Variants in ZFR2 observed in about 807,000 individuals in gnomAD.
ZFR2 encodes the protein zinc finger RNA-binding protein 2.
In ZFR2, 104 loss-of-function variants were observed where a neutral mutation model predicts 105.7. The ratio of observed to expected loss-of-function variants is 0.98; its 90% CI spans 0.84 to 1.16. The LOEUF (loss-of-function observed/expected upper bound fraction) is 1.16, where lower values mean the gene tolerates loss of function less well. Ranked by LOEUF, ZFR2 falls within the 50% of genes most tolerant of loss-of-function variation. The pLI, the probability that ZFR2 is intolerant of heterozygous loss-of-function variation, is 0.00. For missense variants in ZFR2, 1,425 were observed against 1,355.5 expected (o/e 1.05, Z -0.80); for synonymous variants, 634 against 597.7 (o/e 1.06, Z -0.89).
rs960141929 is a variant in ZFR2, at chr19:3,807,190, G to A, written c.2625C>T (p.Asp875=). Residue 875 remains aspartate (D), a synonymous_variant, in exon 18 of 19, where the codon GAC becomes GAT. Transcript: ENST00000262961. ...LEPMTLQERE[D]VTASAQHALR... is the part of the protein sequence containing the mutation. ...CTCCTACCTGGGCGCTGGCGGTCACGTCTTCCCGCTCTTGGAGGGTCATGG... is the reference window on the plus strand; with the variant it reads ...CTCCTACCTGGGCGCTGGCGGTCACATCTTCCCGCTCTTGGAGGGTCATGG... The A allele has an allele frequency of 1.7e-5, 26 of 1,556,076 alleles. 1 individual carries two copies. Among genetic ancestry groups the A allele is most frequent in the South Asian group, 2.4e-5 (2 of 84,464 alleles).
At chr19:3,860,050 A>G (rs1173447895) in intron 1 of ZFR2, among the ~76,000 whole-genome samples, 1 of 152,030 alleles carries the variant, frequency 6.6e-6, no homozygotes, top group African/African-American at 2.4e-5. Flanking sequence ...TTGCTTTTTG[A>G]GTCAGGGTCT....
Position 3,860,197 on chromosome 19 carries a change from ATTTT to A in ZFR2, c.53+8764_53+8767del, listed in dbSNP as rs113571842. 3.1e-3 allele frequency among the ~76,000 whole-genome samples: 425 copies of A among 134,958 alleles called. 1 individual carries two copies. Among genetic ancestry groups the A allele is most frequent in the African/African-American group, 0.011 (407 of 35,814 alleles). The allele number at this position is 134,958 out of a possible 152,430, so 88.5% of individuals were successfully genotyped here. A position where few individuals can be genotyped will look rare whatever the true frequency, so the allele number is the denominator to read the frequency against. On this transcript the variant is annotated intron_variant, in intron 1 of 18. Transcript: ENST00000262961. Reference sequence around the variant, plus strand: ...AGGTGTGCACCACCATGCCTGGCTAATTTTTTTTTTTTTTTTTTTCAGAGATGGG... The same window carrying A: ...AGGTGTGCACCACCATGCCTGGCTAATTTTTTTTTTTTTTTCAGAGATGGG...
intron 14 of ZFR2, among the ~76,000 whole-genome samples, chr19:3,812,338 C>T (rs184301855): frequency 8.8e-4 from 134 of 152,244 alleles, no homozygotes; most frequent in Middle Eastern, 3.4e-3. Context: ...CTTGGACCTC[C>T]AAAAGTGCTG....
intron 16 of ZFR2, among the ~76,000 whole-genome samples, 164 bp downstream of exon 16, chr19:3,810,586 T>TC (rs1283039022): frequency 1.3e-5 from 2 of 152,186 alleles, no homozygotes; most frequent in Admixed American, 1.3e-4. Flanking sequence ...GAGGGCCGTC[T>TC]CCCCCGCAAG....
At chr19:3,861,163 G>A (rs944932496) in intron 1 of ZFR2, among the ~76,000 whole-genome samples, 10 of 152,066 alleles carry the variant, frequency 6.6e-5, no homozygotes, top group Non-Finnish European at 8.8e-5. Flanking sequence ...TCCGCCAACC[G>A]CGACAAGTAA....
At position 3,834,177 on chromosome 19, in the gene ZFR2, C is replaced by T. The variant is rs1273453722; in HGVS notation, c.265-399G>A. Reference sequence around the variant, plus strand: ...ACAGGGTGGCCTCTGATGCCGTTGACCGACACAATCTGGGGACGAGGTGCG... The same window carrying T: ...ACAGGGTGGCCTCTGATGCCGTTGATCGACACAATCTGGGGACGAGGTGCG... On this transcript the variant is annotated intron_variant, in intron 2 of 18. Transcript: ENST00000262961. The surrounding 1 kb of genome is among the most constrained non-coding windows in gnomAD (Gnocchi z 5.3). 6.6e-6 allele frequency among the ~76,000 whole-genome samples: 1 copy of T among 152,064 alleles called. No individual in the cohort carries two copies. The highest frequency in any genetic ancestry group is 1.9e-4 in the East Asian group (1 of 5,182).
chr19:3,822,976 G>A (rs981094327), intron 8 of ZFR2, among the ~76,000 whole-genome samples: 2 of 152,194 alleles, frequency 1.3e-5, no homozygotes, highest in Middle Eastern at 3.2e-3. Flanking sequence ...CCAGACAGAC[G>A]GCTCCGCAGG....
intron 7 of ZFR2, 82 bp downstream of exon 7, chr19:3,825,148 G>A: frequency 3.6e-6 from 5 of 1,376,066 alleles, no homozygotes; most frequent in Non-Finnish European, 4.7e-6. Flanking sequence ...AAAATCGACT[G>A]GATGGTAGAT....
intron 11 of ZFR2, among the ~76,000 whole-genome samples, chr19:3,819,722 G>A (rs1347711626): frequency 6.6e-6 from 1 of 152,074 alleles, no homozygotes; most frequent in Non-Finnish European, 1.5e-5. Flanking sequence ...CGTGGTGGCG[G>A]GCGCCCATAG....
intron 14 of ZFR2, among the ~76,000 whole-genome samples, chr19:3,811,784 AG>A (rs975750817): frequency 8.6e-5 from 13 of 150,820 alleles, no homozygotes; most frequent in Admixed American, 7.9e-4. Flanking sequence ...ATTTAGAGAC[AG>A]GGTCTCGCTC....
intron 5 of ZFR2, among the ~76,000 whole-genome samples, chr19:3,828,161 T>C (rs2037973842): frequency 6.7e-6 from 1 of 149,628 alleles, no homozygotes; most frequent in South Asian, 2.1e-4. Flanking sequence ...TTTTTTTTTT[T>C]CGAGACAGGG....
chr19:3,830,728 G>A (rs1444373500), intron 5 of ZFR2, among the ~76,000 whole-genome samples: 7 of 151,820 alleles, frequency 4.6e-5, no homozygotes, highest in Admixed American at 3.3e-4. Flanking sequence ...GAAGATCAGG[G>A]TGTGTGTTTT....
At chr19:3,826,464 C>T (rs376276874) in intron 6 of ZFR2, among the ~76,000 whole-genome samples, 1 of 148,980 alleles carries the variant, frequency 6.7e-6, no homozygotes, top group African/African-American at 2.6e-5. Context: ...GCGACAGAGC[C>T]TTGCTCTGTC....
intron 1 of ZFR2, among the ~76,000 whole-genome samples, chr19:3,857,344 G>T (rs994557289): frequency 6.6e-6 from 1 of 151,956 alleles, no homozygotes; most frequent in Non-Finnish European, 1.5e-5. Flanking sequence ...CGGCCTGCAG[G>T]CTGTCAATTT....
chr19:3,860,947 C>T (rs1421574402), intron 1 of ZFR2, among the ~76,000 whole-genome samples: 1 of 152,134 alleles, frequency 6.6e-6, no homozygotes, highest in Non-Finnish European at 1.5e-5. Context: ...CAACCGGCCT[C>T]GAACCACCAA....
intron 13 of ZFR2, among the ~76,000 whole-genome samples, chr19:3,815,658 A>G (rs1032688774): frequency 6.6e-6 from 1 of 151,794 alleles, no homozygotes; most frequent in African/African-American, 2.4e-5. Context: ...ATCACAGCTC[A>G]CTGAAGCCTC....
At position 3,809,025 on chromosome 19, in the gene ZFR2, G is replaced by A. The variant is rs375167191; in HGVS notation, c.2434-42C>T. ...AGCAGTTGCTGTGTTTTGGGCGCGCGGCAGCCCCTGCCTGCCCGGGAGGTC... is the reference window on the plus strand; with the variant it reads ...AGCAGTTGCTGTGTTTTGGGCGCGCAGCAGCCCCTGCCTGCCCGGGAGGTC... On this transcript the variant is annotated intron_variant, in intron 16 of 18. Transcript: ENST00000262961. The A allele has an allele frequency of 4.3e-5, 63 of 1,469,286 alleles. No homozygotes were observed. The Middle Eastern group carries it at 6.9e-4, about 16-fold the overall frequency. 91.0% of individuals were successfully genotyped at this position (1,469,286 alleles called of 1,614,324 possible).
chr19:3,815,785 T>C (rs1160008280), intron 13 of ZFR2, among the ~76,000 whole-genome samples: 1 of 150,112 alleles, frequency 6.7e-6, no homozygotes, highest in Non-Finnish European at 1.5e-5. Flanking sequence ...GGAGTCTCGC[T>C]CTGTCGCCCA....
rs2038338862 is a variant in ZFR2 at position 3,858,974 on chromosome 19, T to C, written c.53+9991A>G. On this transcript the variant is annotated intron_variant, in intron 1 of 18. Coordinates refer to ENST00000262961, the MANE Select transcript of ZFR2 (RefSeq NM_015174.2). The surrounding 1 kb of genome is among the most constrained non-coding windows in gnomAD (Gnocchi z 4.3). Reference sequence around the variant, plus strand: ...CACAGGGCCCTGTGATGGTTAATACTGAGTGTCAACTTGACTGGATTGAAG... The same window carrying C: ...CACAGGGCCCTGTGATGGTTAATACCGAGTGTCAACTTGACTGGATTGAAG... 6.6e-6 allele frequency among the ~76,000 whole-genome samples: 1 copy of C among 152,144 alleles called. No individual in the cohort carries two copies. The highest frequency in any genetic ancestry group is 2.4e-5 in the African/African-American group (1 of 41,424).
Sources: gnomAD v4.1 joint callset for allele counts (sites outside exome capture counted in the v4.1 genomes callset) on GRCh38, gnomAD v4.1.1 for gene constraint, Gnocchi (gnomAD v3.1) non-coding constraint, MANE v1.5 for transcripts, NCBI Gene and HGNC (gene_info 2026-07-23, HGNC 2026-07-21) for gene names.